The following POU2F2 variants were observed in gnomAD, a reference collection of about 807,000 sequenced individuals.
The protein encoded by POU2F2 is POU domain, class 2, transcription factor 2.
In POU2F2, 14 loss-of-function variants were observed where a neutral mutation model predicts 63.5. That is an observed-to-expected ratio of 0.22 (90% CI 0.15 to 0.34). The LOEUF is 0.34. Ranked by LOEUF, POU2F2 falls within the 10% of genes least tolerant of loss-of-function variation. The pLI, the probability that POU2F2 is intolerant of heterozygous loss-of-function variation, is 1.00. For missense variants in POU2F2, 607 were observed against 815.2 expected (o/e 0.74, Z 3.11); for synonymous variants, 306 against 348.6 (o/e 0.88, Z 1.36).
chr19:42,124,934 C>T (rs1368707590), intron 1 of POU2F2, among the ~76,000 whole-genome samples: 1 of 152,166 alleles, frequency 6.6e-6, no homozygotes, highest in Non-Finnish European at 1.5e-5. Context: ...CATGAGGAAG[C>T]CTGCACCAGG....
intron 1 of POU2F2, among the ~76,000 whole-genome samples, chr19:42,182,441 G>A (rs765824192): frequency 6.6e-5 from 10 of 151,992 alleles, no homozygotes; most frequent in Non-Finnish European, 1.5e-4. Context: ...TGAATGGTGA[G>A]CAGAGCAGAG....
chr19:42,161,499 T>C (rs1417941911), intron 1 of POU2F2, among the ~76,000 whole-genome samples: 4 of 150,312 alleles, frequency 2.7e-5, no homozygotes, highest in African/African-American at 9.8e-5. Context: ...CACAGCCCTG[T>C]AGGAAGGAGG....
chr19:42,119,655 G>C (rs1042402966), intron 4 of POU2F2, among the ~76,000 whole-genome samples: 3 of 152,204 alleles, frequency 2.0e-5, no homozygotes, highest in Admixed American at 2.0e-4. Flanking sequence ...CTGGGCGACA[G>C]AGCGAGACTC....
Position 42,117,754 on chromosome 19 carries a change from C to A in POU2F2, c.187-322G>T, listed in dbSNP as rs116068269. Among the ~76,000 whole-genome samples the A allele has an allele frequency of 4.5e-3, 680 of 151,508 alleles. 16 individuals are homozygous for A. Among genetic ancestry groups the A allele is most frequent in the African/African-American group, 0.016 (660 of 41,252 alleles). ...TAGCACTTTGGGAGGTCGAGGCAGG[C>A]GGATCACTTGGGGTCAGGAGTTTGA... On this transcript the variant is annotated intron_variant, in intron 4 of 14. Coordinates refer to ENST00000692977, the MANE Select transcript of POU2F2 (RefSeq NM_001394376.1). This position sits in a 1 kb window ranked among gnomAD's most constrained non-coding sequence, Gnocchi z 4.4.
chr19:42,120,212 A>T (rs2032433102), intron 4 of POU2F2, among the ~76,000 whole-genome samples: 1 of 149,188 alleles, frequency 6.7e-6, no homozygotes, highest in African/African-American at 2.5e-5. Flanking sequence ...CATCTGGCCT[A>T]ATCTCCTTTT....
chr19:42,099,160 G>T (rs944009059), intron 7 of POU2F2, among the ~76,000 whole-genome samples: 14 of 152,360 alleles, frequency 9.2e-5, no homozygotes, highest in African/African-American at 3.4e-4. Context: ...CCGTTGCAGT[G>T]CTGGAAGAGG....
intron 1 of POU2F2, among the ~76,000 whole-genome samples, chr19:42,194,460 GAAGA>G (rs1367949036): frequency 1.3e-5 from 2 of 148,860 alleles, no homozygotes; most frequent in Non-Finnish European, 3.0e-5. Context: ...AGGAAGGGAG[GAAGA>G]AAGAAAGGAA....
At chr19:42,147,586 G>C (rs1015079927) in intron 2 of POU2F2, among the ~76,000 whole-genome samples, 14 of 152,232 alleles carry the variant, frequency 9.2e-5, no homozygotes, top group African/African-American at 3.1e-4. Context: ...CATAGTGGGT[G>C]CTCAACAGAC....
At chr19:42,112,953 C>A (rs2031330235) in intron 5 of POU2F2, among the ~76,000 whole-genome samples, 1 of 152,164 alleles carries the variant, frequency 6.6e-6, no homozygotes, top group Non-Finnish European at 1.5e-5. Context: ...AGCCTGGAAG[C>A]CCCTTCCCAG....
upstream of POU2F2, among the ~76,000 whole-genome samples, chr19:42,196,755 T>TGCGCTCAGGGAGGCTCTGGAG (rs2035151997): frequency 6.6e-6 from 1 of 152,258 alleles, no homozygotes; most frequent in Non-Finnish European, 1.5e-5. Context: ...CCACGGCGCA[T>TGCGCTCAGGGAGGCTCTGGAG]GCGCTCAGGG....
chr19:42,114,211 A>G (rs1332759683), intron 5 of POU2F2, among the ~76,000 whole-genome samples: 1 of 152,176 alleles, frequency 6.6e-6, no homozygotes, highest in East Asian at 1.9e-4. Flanking sequence ...GTGCATAGGC[A>G]AGAATGTCTG....
In POU2F2 at chr19:42,093,822, C is replaced by T. The variant is rs763861113; in HGVS notation, c.1264+7G>A. 6.2e-7 allele frequency: 1 copy of T among 1,606,844 alleles called. No homozygotes were observed. On this transcript the variant is annotated splice_region_variant and intron_variant, in intron 12 of 14. Transcript: ENST00000692977. ...GTCCCCCCTCACCATTTTCTGCCCT[C>T]CCTGACCTGTTGTGCTCAGACTGCT...
chr19:42,163,562 C>T (rs769097462), intron 1 of POU2F2, among the ~76,000 whole-genome samples: 2 of 152,076 alleles, frequency 1.3e-5, no homozygotes, highest in Admixed American at 6.5e-5. Flanking sequence ...GCTGACACGG[C>T]ACATGTCTTA....
chr19:42,131,622 C>G (rs562598702), intron 1 of POU2F2, among the ~76,000 whole-genome samples: 1 of 152,334 alleles, frequency 6.6e-6, no homozygotes, highest in African/African-American at 2.4e-5. Context: ...TGTACAGTGC[C>G]TGGTGCACAA....
intron 5 of POU2F2, among the ~76,000 whole-genome samples, chr19:42,101,786 G>C (rs2077151342): frequency 1.3e-5 from 2 of 151,908 alleles, no homozygotes; most frequent in Admixed American, 6.6e-5. Flanking sequence ...GACCAGCCTG[G>C]CCAACATAGT....
intron 7 of POU2F2, among the ~76,000 whole-genome samples, chr19:42,097,460 G>C (rs147354458): frequency 6.6e-6 from 1 of 151,222 alleles, no homozygotes; most frequent in Non-Finnish European, 1.5e-5. Context: ...GCCTCCCAAA[G>C]TGCTGGGATT....
intron 1 of POU2F2, among the ~76,000 whole-genome samples, chr19:42,186,414 T>C (rs945813826): frequency 6.6e-6 from 1 of 151,984 alleles, no homozygotes; most frequent in Non-Finnish European, 1.5e-5. Context: ...GAGGGAAGCA[T>C]GAACAAGAGC....
chr19:42,191,924 T>C (rs2035079072), intron 1 of POU2F2, among the ~76,000 whole-genome samples: 1 of 152,212 alleles, frequency 6.6e-6, no homozygotes, highest in South Asian at 2.1e-4. Context: ...TTCCTGAGTG[T>C]ATATCCTCAT....
chr19:42,106,234 T>G (rs894032457), intron 5 of POU2F2, among the ~76,000 whole-genome samples: 1 of 151,958 alleles, frequency 6.6e-6, no homozygotes, highest in Non-Finnish European at 1.5e-5. Context: ...GACTTCCAAG[T>G]AGCTGAGGCT....
Sources: allele counts gnomAD v4.1 joint callset (sites outside exome capture counted in the v4.1 genomes callset), GRCh38; gene constraint gnomAD v4.1.1; non-coding constraint Gnocchi (gnomAD v3.1); transcripts MANE v1.5; gene names NCBI Gene and HGNC (gene_info 2026-07-23, HGNC 2026-07-21).